The following N4BP2L2 variants were observed in gnomAD, a reference collection of about 807,000 sequenced individuals.
N4BP2L2 encodes the protein NEDD4-binding protein 2-like 2.
Under a neutral mutation model 56.2 loss-of-function variants are expected in N4BP2L2, and 50 were observed. That is an observed-to-expected ratio of 0.89 (90% CI 0.71 to 1.13). The LOEUF (loss-of-function observed/expected upper bound fraction) is 1.13. N4BP2L2 is among the 50% of genes most tolerant of loss of function. The probability of loss-of-function intolerance (pLI) is 0.00; values close to 1 mark genes in which losing one functional copy is unlikely to be tolerated. For missense variants in N4BP2L2, 689 were observed against 693.8 expected, an observed-to-expected ratio of 0.99 and a Z score of 0.08; for synonymous variants, 203 against 223.6, an observed-to-expected ratio of 0.91 and a Z score of 0.82.
intron 6 of N4BP2L2, among the ~76,000 whole-genome samples, chr13:32,480,847 G>A (rs981904569): frequency 7.2e-5 from 11 of 151,858 alleles, no homozygotes; most frequent in African/African-American, 2.4e-4. Context: ...GGCCAGGCAC[G>A]GTGACTCACA....
intron 6 of N4BP2L2, chr13:32,446,511 TAG>T (rs1295259358): frequency 6.1e-6 from 8 of 1,304,204 alleles, no homozygotes; most frequent in Non-Finnish European, 7.1e-6. Context: ...AAAGAACAAA[TAG>T]AGTTTGTTGT....
chr13:32,519,996 A>G (rs2050338419), intron 5 of N4BP2L2, among the ~76,000 whole-genome samples: 1 of 152,172 alleles, frequency 6.6e-6, no homozygotes, highest in Non-Finnish European at 1.5e-5. Flanking sequence ...GGTATGATAC[A>G]CACACACAGC....
intron 6 of N4BP2L2, among the ~76,000 whole-genome samples, chr13:32,490,336 C>A (rs2086790006): frequency 6.6e-6 from 1 of 152,004 alleles, no homozygotes; most frequent in Admixed American, 6.6e-5. Context: ...TGGAGTTTCG[C>A]TCTCGTCACC....
At position 32,462,355 on chromosome 13, in the gene N4BP2L2, C is replaced by T. The variant is rs376873743; in HGVS notation, c.366-18229G>A. On this transcript the variant is annotated intron_variant, in intron 6 of 9. Coordinates refer to the N4BP2L2 transcript ENST00000357505. ...TAATCAGGCACAGAAAGACAAGTAT[C>T]ACATGTTCTCATTCATACATGGAAA... Among the ~76,000 whole-genome samples, 10 of 152,216 alleles carry T rather than the reference C, an allele frequency of 6.6e-5. No homozygotes were observed. In the East Asian group the frequency reaches 1.2e-3, roughly 18 times the overall value.
intron 6 of N4BP2L2, among the ~76,000 whole-genome samples, chr13:32,504,052 G>A (rs374076853): frequency 2.0e-5 from 3 of 152,072 alleles, no homozygotes; most frequent in Non-Finnish European, 4.4e-5. Context: ...TGAACCTGGG[G>A]TCCCCTGATG....
At chr13:32,443,446 G>A (rs759933127) in exon 7 of N4BP2L2, 2 of 1,613,796 alleles carry the variant, frequency 1.2e-6, no homozygotes, top group Non-Finnish European at 1.7e-6. Context: ...TGTGAAAAAA[G>A]CCCAGTGATT....
chr13:32,446,278 T>G, intron 6 of N4BP2L2: 1 of 960,838 alleles, frequency 1.0e-6, no homozygotes, highest in Non-Finnish European at 1.5e-6. Flanking sequence ...CTAGAAACAG[T>G]TGTGATGGGG....
chr13:32,485,590 G>C (rs2085682915), intron 6 of N4BP2L2, among the ~76,000 whole-genome samples: 1 of 152,136 alleles, frequency 6.6e-6, no homozygotes, highest in Admixed American at 6.5e-5. Flanking sequence ...TACACTCTGT[G>C]ACCAAATGTG....
At chr13:32,521,747 C>A (rs111757428) in intron 4 of N4BP2L2, 9,584 of 286,298 alleles carry the variant, frequency 0.033, 928 homozygotes, top group African/African-American at 0.2. Context: ...AGGCTGAGCA[C>A]GGCAGATGGG....
At chr13:32,466,201 T>C (rs2059224488) in intron 6 of N4BP2L2, among the ~76,000 whole-genome samples, 1 of 152,182 alleles carries the variant, frequency 6.6e-6, no homozygotes, top group South Asian at 2.1e-4. Flanking sequence ...TGGAATATGA[T>C]ATTGTAGTGA....
rs537458868 is a variant in N4BP2L2 at position 32,474,377 on chromosome 13, T to C, written c.366-30251A>G. Among the ~76,000 whole-genome samples the C allele has an allele frequency of 5.3e-5, 8 of 152,158 alleles. 1 individual carries two copies. The South Asian group carries it at 1.2e-3, about 24-fold the overall frequency. The stretch of plus-strand genomic sequence containing the variant: ...ATCCACAAAATGTCACGGTCAATTA[T>C]ACAAATACATATGATAGAAATGTAC... On this transcript the variant is annotated intron_variant, in intron 6 of 9. Coordinates refer to the N4BP2L2 transcript ENST00000357505.
intron 5 of N4BP2L2, among the ~76,000 whole-genome samples, chr13:32,520,280 G>A (rs1418231328): frequency 6.6e-6 from 1 of 151,964 alleles, no homozygotes; most frequent in East Asian, 1.9e-4. Context: ...GAATTGTAAG[G>A]GTACGTGAAT....
At position 32,521,962 on chromosome 13, in the gene N4BP2L2, C is replaced by T. The variant is rs571394722; in HGVS notation, c.1473+220G>A. The T allele has an allele frequency of 2.4e-4, 107 of 450,866 alleles. No individual in the cohort carries two copies. In the South Asian group the frequency reaches 2.7e-3, roughly 11 times the overall value. The allele number at this position is 450,866 out of a possible 1,614,324, so 27.9% of individuals were successfully genotyped here. A position where few individuals can be genotyped will look rare whatever the true frequency, so the allele number is the denominator to read the frequency against. On this transcript the variant is annotated intron_variant, in intron 4 of 5. Coordinates refer to ENST00000267068, the Ensembl canonical transcript of N4BP2L2. ...CTGCACTCCAGCCTGGGTGACAGAG[C>T]GAGACTCCGTCTCAAAAAAACAAAC...
At chr13:32,523,193 C>T (rs984950862) in intron 3 of N4BP2L2, 1 of 152,036 alleles carries the variant, frequency 6.6e-6, no homozygotes, top group Non-Finnish European at 1.5e-5. Context: ...GAATTCAAGA[C>T]CACCCTGGCC....
At chr13:32,436,235 CA>C in intron 9 of N4BP2L2, 1 of 446,440 alleles carries the variant, frequency 2.2e-6, no homozygotes, top group Non-Finnish European at 4.0e-6. Flanking sequence ...GCTATGGTAA[CA>C]AACTTCATTT....
At chr13:32,434,135 G>A (rs574981502) in intron 9 of N4BP2L2, among the ~76,000 whole-genome samples, 9 of 151,190 alleles carry the variant, frequency 6.0e-5, no homozygotes, top group African/African-American at 2.2e-4. Flanking sequence ...GGAGTGCAGT[G>A]GTGCGATCTC....
At chr13:32,489,764 T>TG in intron 6 of N4BP2L2, among the ~76,000 whole-genome samples, 1 of 72,860 alleles carries the variant, frequency 1.4e-5, no homozygotes, top group South Asian at 3.5e-4. Context: ...ATTCCCCTCC[T>TG]GAAAAAAAAA....
intron 2 of N4BP2L2, among the ~76,000 whole-genome samples, chr13:32,529,762 A>G (rs938860140): frequency 1.4e-5 from 2 of 144,680 alleles, no homozygotes; most frequent in East Asian, 2.0e-4. Context: ...GTCCGACTCT[A>G]TTGCCCAGGC....
chr13:32,479,639 C>T (rs536346605), intron 6 of N4BP2L2, among the ~76,000 whole-genome samples: 9 of 148,750 alleles, frequency 6.1e-5, no homozygotes, highest in African/African-American at 2.0e-4. Context: ...AAAAAAGGAT[C>T]CCCAAAATGT....
Sources: allele counts gnomAD v4.1 joint callset (sites outside exome capture counted in the v4.1 genomes callset), GRCh38; gene constraint gnomAD v4.1.1; transcripts MANE v1.5; gene names NCBI Gene and HGNC (gene_info 2026-07-23, HGNC 2026-07-21).